Variants in CKS2 observed in about 807,000 individuals in gnomAD.
CKS2 encodes the protein CDC28 protein kinase regulatory subunit 2.
CKS2 carries 4 observed loss-of-function variants against 14.3 expected under a neutral mutation model. That is an observed-to-expected ratio of 0.28 (90% CI 0.14 to 0.64). CKS2 has a LOEUF of 0.64. CKS2 is among the 30% of genes least tolerant of loss of function. The pLI is 0.83. For missense variants in CKS2, 71 were observed against 94.3 expected, an observed-to-expected ratio of 0.75 and a Z score of 1.02; for synonymous variants, 33 against 28.7, an observed-to-expected ratio of 1.15 and a Z score of -0.48.
At chr9:89,312,577 G>A (rs1478847022) in intron 1 of CKS2, among the ~76,000 whole-genome samples, 3 of 152,192 alleles carry the variant, frequency 2.0e-5, no homozygotes, top group Non-Finnish European at 4.4e-5. Context: ...TAGCATGGAA[G>A]TCTGTTTTCA....
intron 1 of CKS2, among the ~76,000 whole-genome samples, chr9:89,314,335 C>G (rs771271257): frequency 1.3e-5 from 2 of 152,094 alleles, no homozygotes; most frequent in Non-Finnish European, 2.9e-5. Flanking sequence ...TTGAGAATCT[C>G]GTAAGGCTAC....
intron 1 of CKS2, among the ~76,000 whole-genome samples, chr9:89,312,531 A>C (rs1042800745): frequency 2.2e-4 from 34 of 152,312 alleles, no homozygotes; most frequent in Non-Finnish European, 1.6e-4. Context: ...AAAGAACAAA[A>C]CAGTGGGTGG....
intron 2 of CKS2, among the ~76,000 whole-genome samples, chr9:89,316,036 A>G (rs1053477058): frequency 1.3e-5 from 2 of 152,218 alleles, no homozygotes; most frequent in African/African-American, 4.8e-5. Context: ...ACGTAATCCT[A>G]TTAGAATTCA....
At chr9:89,311,450 C>CG in intron 1 of CKS2, 99 bp downstream of exon 1, 38 of 567,650 alleles carry the variant, frequency 6.7e-5, no homozygotes, top group East Asian at 2.9e-4. Flanking sequence ...GGGCCGGGGC[C>CG]TGGGGGGCGG....
At chr9:89,313,284 T>C (rs931553572) in intron 1 of CKS2, among the ~76,000 whole-genome samples, 6 of 152,224 alleles carry the variant, frequency 3.9e-5, no homozygotes, top group African/African-American at 1.4e-4. Flanking sequence ...CTTTGATTTT[T>C]CTTAATTACA....
intron 1 of CKS2, 121 bp downstream of exon 1, chr9:89,311,472 G>C: frequency 3.1e-6 from 2 of 646,566 alleles, no homozygotes; most frequent in South Asian, 5.1e-5. Context: ...GCCCGGGGCC[G>C]GAGGGCGAGG....
chr9:89,311,793 T>A (rs1157609590), intron 1 of CKS2, among the ~76,000 whole-genome samples: 1 of 152,226 alleles, frequency 6.6e-6, no homozygotes, highest in Non-Finnish European at 1.5e-5. Context: ...CCGTCCTTTT[T>A]CCTTTAGCAA....
chr9:89,313,977 A>C (rs1246465039), intron 1 of CKS2, among the ~76,000 whole-genome samples: 2 of 152,248 alleles, frequency 1.3e-5, no homozygotes, highest in Non-Finnish European at 2.9e-5. Context: ...GTACTTAACC[A>C]CAGACTAAAA....
chr9:89,312,816 A>C (rs1162117684), intron 1 of CKS2, among the ~76,000 whole-genome samples: 1 of 152,224 alleles, frequency 6.6e-6, no homozygotes, highest in Admixed American at 6.5e-5. Flanking sequence ...GTAAACCGTA[A>C]TAATCTTACT....
intron 1 of CKS2, 66 bp downstream of exon 1, chr9:89,311,417 A>G: frequency 8.8e-7 from 1 of 1,135,264 alleles, no homozygotes; most frequent in Admixed American, 2.4e-5. Context: ...GGGGCGACCC[A>G]GGCATAGTAG....
At chr9:89,315,537 A>G (rs1467103272) in intron 2 of CKS2, among the ~76,000 whole-genome samples, 1 of 86,682 alleles carries the variant, frequency 1.2e-5, no homozygotes, top group Non-Finnish European at 2.7e-5. Flanking sequence ...AAGAAGTAAA[A>G]AAAAAAAAAA....
At chr9:89,312,489 G>A (rs1824637818) in intron 1 of CKS2, among the ~76,000 whole-genome samples, 1 of 152,234 alleles carries the variant, frequency 6.6e-6, no homozygotes, top group East Asian at 1.9e-4. Context: ...TGCCTTTGTA[G>A]GTTAGATTTC....
At chr9:89,313,653 A>AT (rs973744781) in intron 1 of CKS2, among the ~76,000 whole-genome samples, 1 of 152,238 alleles carries the variant, frequency 6.6e-6, no homozygotes, top group Non-Finnish European at 1.5e-5. Flanking sequence ...TTCTATCTAA[A>AT]TAACTTGTTG....
At chr9:89,312,728 C>G (rs1587814759) in intron 1 of CKS2, among the ~76,000 whole-genome samples, 5 of 152,190 alleles carry the variant, frequency 3.3e-5, no homozygotes, top group Admixed American at 3.3e-4. Flanking sequence ...AAACTATACT[C>G]GTGTAATATG....
chr9:89,312,247 C>T (rs1276506107), intron 1 of CKS2: 2 of 154,570 alleles, frequency 1.3e-5, no homozygotes, highest in Non-Finnish European at 1.5e-5. Context: ...ATGTCCCTGT[C>T]CCCTTCCCCC....
intron 2 of CKS2, among the ~76,000 whole-genome samples, chr9:89,315,541 A>G (rs560385828): frequency 1.3e-5 from 2 of 152,130 alleles, no homozygotes; most frequent in East Asian, 3.9e-4. Flanking sequence ...AGTAAAAAAA[A>G]AAAAAAAAAA....
chr9:89,311,614 A>G (rs1004105715), intron 1 of CKS2, among the ~76,000 whole-genome samples: 1 of 152,168 alleles, frequency 6.6e-6, no homozygotes, highest in African/African-American at 2.4e-5. Flanking sequence ...ACCGGGCCGC[A>G]TTTAGTACCT....
At position 89,311,537 on chromosome 9, in the gene CKS2, G is replaced by A. The variant is rs528293371; in HGVS notation, c.59+186G>A. The stretch of plus-strand genomic sequence containing the variant: ...GCCCCGCGCAGTCGGACATGGTTGG[G>A]TGCCTGGCCGCGCCGGGCCGGTTGG... On this transcript the variant is annotated intron_variant, in intron 1 of 2. Coordinates refer to ENST00000314355, the MANE Select transcript of CKS2 (RefSeq NM_001827.3). 7.2e-5 allele frequency among the ~76,000 whole-genome samples: 11 copies of A among 152,336 alleles called. No individual in the cohort carries two copies. In the South Asian group the frequency reaches 2.1e-3, roughly 29 times the overall value.
At chr9:89,312,992 C>T (rs989253773) in intron 1 of CKS2, among the ~76,000 whole-genome samples, 1 of 152,152 alleles carries the variant, frequency 6.6e-6, no homozygotes, top group African/African-American at 2.4e-5. Context: ...TTAATATACT[C>T]AAATGATTTG....
Sources: allele counts gnomAD v4.1 joint callset (sites outside exome capture counted in the v4.1 genomes callset), GRCh38; gene constraint gnomAD v4.1.1; transcripts MANE v1.5; gene names NCBI Gene and HGNC (gene_info 2026-07-23, HGNC 2026-07-21).